ATP11C: variants seen among roughly 807,000 people sequenced by gnomAD.
ATP11C encodes phospholipid-transporting ATPase IG.
Under a neutral mutation model 97.4 loss-of-function variants are expected in ATP11C, and 36 were observed. The ratio of observed to expected loss-of-function variants is 0.37; its 90% CI spans 0.28 to 0.49. The LOEUF is 0.49. ATP11C is among the 20% of genes least tolerant of loss of function. The probability of loss-of-function intolerance (pLI) is 0.98; values close to 1 mark genes in which losing one functional copy is unlikely to be tolerated. For missense variants in ATP11C, 730 were observed against 824.6 expected (o/e 0.89, Z 1.40); for synonymous variants, 275 against 290.9 (o/e 0.95, Z 0.56).
Position 139,888,194 on chromosome X carries a change from T to C in ATP11C, c.27+43822A>G, listed in dbSNP as rs138597552. ...TGTCACCCAGGCTGGAGTGCAACAG[T>C]GCGATCTCAGCTCATTGCAACCTCT... On this transcript the variant is annotated intron_variant, in intron 1 of 29. Transcript: ENST00000682941. 5.7e-3 allele frequency among the ~76,000 whole-genome samples: 611 copies of C among 107,010 alleles called. 11 individuals carry two copies. The highest frequency in any genetic ancestry group is 0.019 in the African/African-American group (562 of 29,318). The allele number at this position is 107,010 out of a possible 115,157, so 92.9% of individuals were successfully genotyped here.
chrX:139,759,399 C>G (rs1405513782), intron 22 of ATP11C, among the ~76,000 whole-genome samples: 1 of 112,032 alleles, frequency 8.9e-6, no homozygotes, highest in East Asian at 2.8e-4. Flanking sequence ...GGAACCAAGG[C>G]AAGAATGTAT....
intron 28 of ATP11C, 83 bp downstream of exon 28, chrX:139,737,833 A>AT: frequency 1.0e-6 from 1 of 980,608 alleles, no homozygotes; most frequent in African/African-American, 1.9e-5. Context: ...AACTAATGTA[A>AT]TTTTCTAAAT....
chrX:139,865,761 C>A (rs1569482430), intron 1 of ATP11C, among the ~76,000 whole-genome samples: 1 of 109,067 alleles, frequency 9.2e-6, no homozygotes, highest in East Asian at 2.9e-4. Context: ...ACCCTGTCCC[C>A]AAAAAAAATA....
intron 1 of ATP11C, among the ~76,000 whole-genome samples, chrX:139,841,757 GCAATAAA>G (rs932341512): frequency 3.6e-5 from 4 of 112,234 alleles, no homozygotes; most frequent in Admixed American, 9.4e-5. Flanking sequence ...GATGGAAAAG[GCAATAAA>G]CAATAAAGTT....
chrX:139,764,074 G>T (rs1346372934), intron 20 of ATP11C, among the ~76,000 whole-genome samples: 1 of 112,070 alleles, frequency 8.9e-6, no homozygotes, highest in Non-Finnish European at 1.9e-5. Flanking sequence ...AACCAAGTAG[G>T]AAGTCAGAGA....
intron 12 of ATP11C, among the ~76,000 whole-genome samples, chrX:139,789,758 G>A (rs1004816866): frequency 1.8e-5 from 2 of 111,245 alleles, no homozygotes; most frequent in Non-Finnish European, 1.9e-5. Context: ...GGCCAGGCAC[G>A]GTGGCTTATG....
At chrX:139,786,513 T>TGTAA (rs1213449465) in intron 15 of ATP11C, among the ~76,000 whole-genome samples, 3 of 109,746 alleles carry the variant, frequency 2.7e-5, no homozygotes, top group Non-Finnish European at 5.8e-5. Flanking sequence ...CCCAAGTACC[T>TGTAA]GTAAACATAT....
Position 139,891,037 on chromosome X carries a change from T to C in ATP11C, c.27+40979A>G, listed in dbSNP as rs751298907. Among the ~76,000 whole-genome samples the C allele has an allele frequency of 6.3e-5, 7 of 110,352 alleles. No homozygotes were observed. In the East Asian group the frequency reaches 1.7e-3, roughly 27 times the overall value. On this transcript the variant is annotated intron_variant, in intron 1 of 29. Transcript: ENST00000682941. Reference sequence around the variant, plus strand: ...ATAGCATGTAATAAAACTGGAGAAGTAGGCATGAATCAGAAAGGTCGAAGG... The same window carrying C: ...ATAGCATGTAATAAAACTGGAGAAGCAGGCATGAATCAGAAAGGTCGAAGG...
At position 139,878,860 on chromosome X, in the gene ATP11C, C is replaced by T. The variant is rs778884505; in HGVS notation, c.28-52037G>A. ...GAGGTATCTAGCAGCCTATAAATAG[C>T]GTGGTACGGACAGAGACTAGGGGGA... On this transcript the variant is annotated intron_variant, in intron 1 of 29. Coordinates refer to ENST00000682941, the MANE Select transcript of ATP11C (RefSeq NM_001353812.2). Among the ~76,000 whole-genome samples the T allele has an allele frequency of 4.1e-4, 44 of 108,186 alleles. 1 individual carries two copies. The East Asian group carries it at 8.2e-3, about 20-fold the overall frequency. 93.9% of individuals were successfully genotyped at this position (108,186 alleles called of 115,157 possible).
At chrX:139,812,758 G>A (rs1259645224) in intron 5 of ATP11C, among the ~76,000 whole-genome samples, 3 of 111,036 alleles carry the variant, frequency 2.7e-5, no homozygotes, top group Non-Finnish European at 5.7e-5. Context: ...GGACTCAAGC[G>A]ATCCACCCAA....
At position 139,737,933 on chromosome X, in the gene ATP11C, T is replaced by G. The variant is rs1416869007; in HGVS notation, c.3271A>C (p.Arg1091=). 3 of 1,202,960 alleles carry G rather than the reference T, an allele frequency of 2.5e-6. No homozygotes were observed. The highest frequency in any genetic ancestry group is 2.2e-6 in the Non-Finnish European group (2 of 891,291). The part of the protein sequence containing the change: ...EILLIVLKNV[R]RRSARRNLSC... ...GTTCTTACCCTGGCACTTCTTCTTC[T>G]TACATTCTTTAATACTATCAGAAGA... The change falls in exon 28 of 30, where the codon AGA becomes CGA. Residue 1091 remains arginine, a synonymous_variant. Coordinates refer to ENST00000682941, the MANE Select transcript of ATP11C (RefSeq NM_001353812.2).
Position 139,901,895 on chromosome X carries a change from G to C in ATP11C, c.27+30121C>G, listed in dbSNP as rs771939312. Reference sequence around the variant, plus strand: ...TCACACCTCAACATGAATGGGACTAGAGTGTCCCTGATAGATTTTTTTTTC... The same window carrying C: ...TCACACCTCAACATGAATGGGACTACAGTGTCCCTGATAGATTTTTTTTTC... On this transcript the variant is annotated intron_variant, in intron 1 of 29. Transcript: ENST00000682941. Among the ~76,000 whole-genome samples, 5 of 111,081 alleles carry C rather than the reference G, an allele frequency of 4.5e-5. No individual in the cohort carries two copies. The South Asian group carries it at 1.2e-3, about 26-fold the overall frequency.
At chrX:139,773,044 G>A (rs1350653071) in intron 19 of ATP11C, among the ~76,000 whole-genome samples, 1 of 110,814 alleles carries the variant, frequency 9.0e-6, no homozygotes, top group Non-Finnish European at 1.9e-5. Flanking sequence ...ATGTGTTGTG[G>A]GAGGGACCCA....
At chrX:139,853,833 C>CAAAAAAA (rs934664774) in intron 1 of ATP11C, among the ~76,000 whole-genome samples, 5 of 21,259 alleles carry the variant, frequency 2.4e-4, no homozygotes, top group East Asian at 2.0e-3. Flanking sequence ...TATCCTAAGT[C>CAAAAAAA]AAAAAAAAAA....
At chrX:139,913,850 G>C (rs2085114869) in intron 1 of ATP11C, among the ~76,000 whole-genome samples, 1 of 111,692 alleles carries the variant, frequency 9.0e-6, no homozygotes, top group African/African-American at 3.3e-5. Context: ...GAGTGAAACA[G>C]TACTTCCTAA....
intron 25 of ATP11C, among the ~76,000 whole-genome samples, chrX:139,744,484 T>C (rs1401860546): frequency 8.9e-6 from 1 of 112,132 alleles, no homozygotes; most frequent in Non-Finnish European, 1.9e-5. Flanking sequence ...CTGGAAAGTT[T>C]GCTGAGCAAA....
chrX:139,806,078 TA>T (rs1226643887), intron 5 of ATP11C, among the ~76,000 whole-genome samples: 1 of 111,444 alleles, frequency 9.0e-6, no homozygotes, highest in Non-Finnish European at 1.9e-5. Context: ...CATTGATAAA[TA>T]AAACACACAA....
chrX:139,829,449 T>A (rs1189453948), intron 1 of ATP11C, among the ~76,000 whole-genome samples: 1 of 112,434 alleles, frequency 8.9e-6, no homozygotes, highest in Non-Finnish European at 1.9e-5. Context: ...TGTTAGTTCC[T>A]GTGATTTTGA....
chrX:139,797,599 G>C (rs935285473), intron 10 of ATP11C, among the ~76,000 whole-genome samples: 2 of 111,497 alleles, frequency 1.8e-5, no homozygotes, highest in African/African-American at 6.5e-5. Flanking sequence ...AGTGACAGGA[G>C]AGGTACACAC....
Sources: gnomAD v4.1 joint callset for allele counts (sites outside exome capture counted in the v4.1 genomes callset) on GRCh38, gnomAD v4.1.1 for gene constraint, MANE v1.5 for transcripts, NCBI Gene and HGNC (gene_info 2026-07-23, HGNC 2026-07-21) for gene names.